DIP2C: variants seen among roughly 807,000 people sequenced by gnomAD.
DIP2C encodes disco-interacting protein 2 homolog C.
A neutral mutation model predicts 192.4 loss-of-function variants in DIP2C; 33 were observed. That is an observed-to-expected ratio of 0.17 (90% CI 0.13 to 0.23). The LOEUF (loss-of-function observed/expected upper bound fraction) is 0.23, where lower values mean the gene tolerates loss of function less well. Among genes scored for constraint, DIP2C ranks in the 10% least tolerant of loss-of-function variants. The pLI, the probability that DIP2C is intolerant of heterozygous loss-of-function variation, is 1.00. For synonymous variants in DIP2C, 979 were observed against 864.1 expected, an observed-to-expected ratio of 1.13 and a Z score of -2.33; for missense variants, 1,537 against 2,110.1, an observed-to-expected ratio of 0.73 and a Z score of 5.32.
intron 24 of DIP2C, among the ~76,000 whole-genome samples, chr10:350,868 G>C (rs979908164): frequency 6.6e-6 from 1 of 152,112 alleles, no homozygotes; most frequent in Non-Finnish European, 1.5e-5. Context: ...GGATGGTCTT[G>C]AACTCCTGAC....
At chr10:278,110 G>A (rs1352916223) in intron 36 of DIP2C, among the ~76,000 whole-genome samples, 2 of 151,626 alleles carry the variant, frequency 1.3e-5, no homozygotes, top group Non-Finnish European at 2.9e-5. Flanking sequence ...GCGTGTGGAC[G>A]CCGAGGGCAT....
intron 29 of DIP2C, among the ~76,000 whole-genome samples, chr10:334,431 G>C (rs955846489): frequency 6.8e-6 from 1 of 147,438 alleles, no homozygotes; most frequent in African/African-American, 2.5e-5. Context: ...TCTGTCTTTT[G>C]ATATACAAAA....
At chr10:527,661 T>G (rs1847132830) in intron 1 of DIP2C, among the ~76,000 whole-genome samples, 1 of 152,336 alleles carries the variant, frequency 6.6e-6, no homozygotes, top group East Asian at 1.9e-4. Flanking sequence ...TGAGAAATGC[T>G]TGCCAGTTTG....
intron 32 of DIP2C, among the ~76,000 whole-genome samples, chr10:309,240 C>A (rs1476462270): frequency 6.6e-6 from 1 of 152,094 alleles, no homozygotes; most frequent in Non-Finnish European, 1.5e-5. Flanking sequence ...GGCTTCTCAT[C>A]CTGCTCAACC....
rs11252771 is a variant in DIP2C at position 496,042 on chromosome 10, C to T, written c.86-9512G>A. 6.2e-3 allele frequency among the ~76,000 whole-genome samples: 917 copies of T among 146,872 alleles called. 12 individuals carry two copies. Among genetic ancestry groups the T allele is most frequent in the African/African-American group, 0.022 (882 of 39,546 alleles). On this transcript the variant is annotated intron_variant, in intron 1 of 36. Transcript: ENST00000280886. ...GCCCTCCTGTGTACTTACATCTCTA[C>T]ATTACTCTTAACACCCCAAACAACT...
At chr10:506,081 G>A (rs1200799905) in intron 1 of DIP2C, among the ~76,000 whole-genome samples, 1 of 152,178 alleles carries the variant, frequency 6.6e-6, no homozygotes, top group East Asian at 1.9e-4. Context: ...GTGCTGCTAG[G>A]TACTGTTATT....
At chr10:278,495 C>T (rs974392337) in intron 36 of DIP2C, among the ~76,000 whole-genome samples, 2 of 152,234 alleles carry the variant, frequency 1.3e-5, no homozygotes, top group Admixed American at 6.5e-5. Flanking sequence ...ATAAGAAACA[C>T]GTGGAGAAGA....
intron 1 of DIP2C, among the ~76,000 whole-genome samples, chr10:555,938 C>T (rs573449016): frequency 3.3e-5 from 5 of 152,050 alleles, no homozygotes; most frequent in East Asian, 1.9e-4. Flanking sequence ...CAGCAGCAGC[C>T]GCTGAGTAGG....
Position 546,014 on chromosome 10 carries a change from A to G in DIP2C, c.86-59484T>C, listed in dbSNP as rs1017173971. ...TCATGAGGCCGGGCATGGTGGGCTT[A>G]TGCCTGTAATCCCACCCAGCACTTT... On this transcript the variant is annotated intron_variant, in intron 1 of 36. Transcript: ENST00000280886. Among the ~76,000 whole-genome samples the G allele has an allele frequency of 1.7e-4, 26 of 152,214 alleles. 1 individual carries two copies. Among genetic ancestry groups the G allele is most frequent in the Admixed American group, 1.6e-3 (24 of 15,286 alleles).
chr10:341,174 G>A (rs907373931), intron 29 of DIP2C, 25 bp downstream of exon 29: 4 of 1,613,502 alleles, frequency 2.5e-6, no homozygotes, highest in Admixed American at 3.3e-5. Context: ...TTTTTTTAAT[G>A]TAAAGATATA....
intron 1 of DIP2C, among the ~76,000 whole-genome samples, chr10:621,837 G>A (rs768974391): frequency 9.9e-5 from 15 of 152,196 alleles, no homozygotes; most frequent in Admixed American, 2.0e-4. Flanking sequence ...ACAAGAGGTT[G>A]ACATGGCTTC....
At position 387,812 on chromosome 10, in the gene DIP2C, G is replaced by A; in HGVS notation, c.1598-3C>T. The A allele has an allele frequency of 1.2e-6, 2 of 1,614,200 alleles. No individual in the cohort carries two copies. The highest frequency in any genetic ancestry group is 1.7e-6 in the Non-Finnish European group (2 of 1,180,014). Reference sequence around the variant, plus strand: ...CAGCACATTCACAATGGTTTCAGCTGCACAACAGAGGGAGTCAGGAGATTT... The same window carrying A: ...CAGCACATTCACAATGGTTTCAGCTACACAACAGAGGGAGTCAGGAGATTT... On this transcript the variant is annotated splice_polypyrimidine_tract_variant and splice_region_variant and intron_variant, in intron 13 of 36. Transcript: ENST00000280886.
At chr10:421,029 CTTT>C in intron 5 of DIP2C, among the ~76,000 whole-genome samples, 1 of 152,312 alleles carries the variant, frequency 6.6e-6, no homozygotes, top group South Asian at 2.1e-4. Flanking sequence ...CTTTTTACTT[CTTT>C]TGTTTTGCCA....
intron 1 of DIP2C, among the ~76,000 whole-genome samples, chr10:499,138 T>C (rs928127812): frequency 6.6e-6 from 1 of 152,160 alleles, no homozygotes; most frequent in Non-Finnish European, 1.5e-5. Flanking sequence ...AACCCCACGA[T>C]GGTCACACAG....
intron 1 of DIP2C, among the ~76,000 whole-genome samples, chr10:681,597 A>G (rs1360918416): frequency 1.3e-5 from 2 of 151,816 alleles, no homozygotes; most frequent in Non-Finnish European, 1.5e-5. Flanking sequence ...ACAGACCCTT[A>G]GTCACATGGT....
At chr10:528,756 A>G (rs1335833601) in intron 1 of DIP2C, among the ~76,000 whole-genome samples, 1 of 152,148 alleles carries the variant, frequency 6.6e-6, no homozygotes, top group Non-Finnish European at 1.5e-5. Context: ...AGGAGCTTGC[A>G]AAGTACCACT....
intron 1 of DIP2C, among the ~76,000 whole-genome samples, chr10:684,286 A>T (rs1477590020): frequency 6.6e-6 from 1 of 152,256 alleles, no homozygotes; most frequent in African/African-American, 2.4e-5. Context: ...TGCATCATGC[A>T]GGTAGCCATC....
At chr10:398,014 A>G (rs1207199499) in intron 10 of DIP2C, among the ~76,000 whole-genome samples, 1 of 152,206 alleles carries the variant, frequency 6.6e-6, no homozygotes, top group Non-Finnish European at 1.5e-5. Flanking sequence ...GAGCAATAAG[A>G]TACCAACATG....
At chr10:349,267 A>AC in intron 25 of DIP2C, 64 bp downstream of exon 25, 4 of 1,563,474 alleles carry the variant, frequency 2.6e-6, no homozygotes, top group Non-Finnish European at 3.5e-6. Context: ...GGTGTAAGGG[A>AC]CCTCCTCGCA....
Sources: allele counts gnomAD v4.1 joint callset (sites outside exome capture counted in the v4.1 genomes callset), GRCh38; gene constraint gnomAD v4.1.1; transcripts MANE v1.5; gene names NCBI Gene and HGNC (gene_info 2026-07-23, HGNC 2026-07-21).